Variants in RYR3 observed in about 807,000 individuals in gnomAD.
RYR3 encodes the protein ryanodine receptor 3, also known as brain ryanodine receptor-calcium release channel.
Under a neutral mutation model 584.3 loss-of-function variants are expected in RYR3, and 207 were observed. The observed-to-expected ratio is 0.35, with a 90% confidence interval of 0.32 to 0.40. The LOEUF (loss-of-function observed/expected upper bound fraction) is 0.40. Ranked by LOEUF, RYR3 falls within the 10% of genes least tolerant of loss-of-function variation. The probability of loss-of-function intolerance (pLI) is 1.00; values close to 1 mark genes in which losing one functional copy is unlikely to be tolerated. For synonymous variants in RYR3, 2,416 were observed against 2,248.5 expected (o/e 1.07, Z -2.11); for missense variants, 5,616 against 6,089.2 (o/e 0.92, Z 2.59).
chr15:33,725,954 A>G (rs1353317618), intron 45 of RYR3, among the ~76,000 whole-genome samples: 1 of 126,856 alleles, frequency 7.9e-6, no homozygotes, highest in Non-Finnish European at 1.6e-5. Context: ...TGGGTGACAG[A>G]GCAAGACTCC....
At chr15:33,771,774 T>C in intron 62 of RYR3, 146 bp from the exon 63 acceptor site, 1 of 638,206 alleles carries the variant, frequency 1.6e-6, no homozygotes, top group East Asian at 2.7e-5. Flanking sequence ...TCCTGGATGT[T>C]AACTGCTCTC....
intron 74 of RYR3, among the ~76,000 whole-genome samples, chr15:33,814,342 G>C (rs1293356803): frequency 6.6e-6 from 1 of 152,168 alleles, no homozygotes; most frequent in Admixed American, 6.5e-5. Flanking sequence ...TTGAATATCA[G>C]CCTCTGCTTC....
At chr15:33,479,089 C>T (rs2049710150) in intron 2 of RYR3, among the ~76,000 whole-genome samples, 1 of 100,188 alleles carries the variant, frequency 1.0e-5, no homozygotes, top group Non-Finnish European at 2.0e-5. Flanking sequence ...TTTTCATCTC[C>T]TGTTTGCAGA....
At chr15:33,758,846 G>A (rs2152863756) in intron 60 of RYR3, among the ~76,000 whole-genome samples, 1 of 152,310 alleles carries the variant, frequency 6.6e-6, no homozygotes, top group South Asian at 2.1e-4. Flanking sequence ...GCCTCCTGAT[G>A]GGGAGAAACC....
chr15:33,706,145 A>T (rs1039160372), intron 42 of RYR3, among the ~76,000 whole-genome samples: 31 of 152,206 alleles, frequency 2.0e-4, no homozygotes, highest in Non-Finnish European at 3.4e-4. Flanking sequence ...TTATAAAAAA[A>T]AAAATAAAAA....
intron 1 of RYR3, among the ~76,000 whole-genome samples, chr15:33,351,032 AAGAG>A (rs1363552482): frequency 2.0e-5 from 3 of 152,200 alleles, no homozygotes; most frequent in Non-Finnish European, 4.4e-5. Flanking sequence ...TAAAGAAAAA[AAGAG>A]AGAAGAATCA....
intron 24 of RYR3, 125 bp downstream of exon 24, chr15:33,633,233 C>G: frequency 2.4e-6 from 2 of 839,052 alleles, no homozygotes; most frequent in Non-Finnish European, 3.7e-6. Flanking sequence ...CCTCACACCT[C>G]AGTGTGTTCA....
intron 1 of RYR3, among the ~76,000 whole-genome samples, chr15:33,354,432 T>G (rs1973689724): frequency 6.6e-6 from 1 of 152,260 alleles, no homozygotes; most frequent in South Asian, 2.1e-4. Flanking sequence ...ATGTCACCTA[T>G]GAAGCCTTGA....
At chr15:33,718,568 GT>G (rs2067669202) in intron 43 of RYR3, among the ~76,000 whole-genome samples, 1 of 152,140 alleles carries the variant, frequency 6.6e-6, no homozygotes, top group South Asian at 2.1e-4. Flanking sequence ...ATGAAATGGA[GT>G]TACCTAAGTT....
intron 13 of RYR3, among the ~76,000 whole-genome samples, chr15:33,580,881 G>T (rs1217255648): frequency 6.6e-6 from 1 of 152,160 alleles, no homozygotes; most frequent in African/African-American, 2.4e-5. Context: ...CATTCTCTAT[G>T]ACTTAAAGGC....
In RYR3 at chr15:33,865,115, G is replaced by C. The variant is rs369302943; in HGVS notation, c.14518-16G>C. 2 of 1,598,850 alleles carry C rather than the reference G, an allele frequency of 1.3e-6. No individual in the cohort carries two copies. Among genetic ancestry groups the C allele is most frequent in the East Asian group, 4.5e-5 (2 of 44,772 alleles). ...TGTGGTTTAAAAATAAGCACCCGTT[G>C]TTCATATTATTTCAGGAATCTTATG... is the stretch of plus-strand genomic sequence containing the variant. On this transcript the variant is annotated splice_polypyrimidine_tract_variant and intron_variant, in intron 103 of 103. Coordinates refer to ENST00000634891, the MANE Select transcript of RYR3 (RefSeq NM_001036.6).
intron 1 of RYR3, among the ~76,000 whole-genome samples, chr15:33,395,494 A>G (rs1347912850): frequency 1.3e-5 from 2 of 152,332 alleles, no homozygotes; most frequent in African/African-American, 4.8e-5. Context: ...CTGAAATGTC[A>G]GCCCGGGCTC....
intron 1 of RYR3, among the ~76,000 whole-genome samples, chr15:33,467,996 C>T (rs930848939): frequency 6.6e-6 from 1 of 152,150 alleles, no homozygotes; most frequent in African/African-American, 2.4e-5. Flanking sequence ...ATCAGACAGA[C>T]ATGAATTCAT....
intron 43 of RYR3, among the ~76,000 whole-genome samples, chr15:33,718,045 A>G (rs1340558483): frequency 6.6e-6 from 1 of 152,224 alleles, no homozygotes; most frequent in Non-Finnish European, 1.5e-5. Context: ...CAAAGATGGC[A>G]TTTAGCAAAT....
intron 36 of RYR3, among the ~76,000 whole-genome samples, chr15:33,665,723 CA>C (rs2063459361): frequency 6.6e-6 from 1 of 152,218 alleles, no homozygotes; most frequent in African/African-American, 2.4e-5. Context: ...GTAAAGCCTT[CA>C]AGAGTAGTTC....
chr15:33,621,683 T>C (rs1222853298), intron 19 of RYR3, among the ~76,000 whole-genome samples: 1 of 152,174 alleles, frequency 6.6e-6, no homozygotes, highest in Admixed American at 6.6e-5. Flanking sequence ...GGAGGTTTAG[T>C]ATGATTTCTA....
chr15:33,822,448 T>TA (rs1279984821), intron 80 of RYR3, among the ~76,000 whole-genome samples: 4 of 152,246 alleles, frequency 2.6e-5, no homozygotes, highest in Non-Finnish European at 5.9e-5. Context: ...AATTTTTTAT[T>TA]AAAAACTGTC....
At chr15:33,805,757 T>A (rs12910876) in intron 69 of RYR3, among the ~76,000 whole-genome samples, 2,459 of 151,830 alleles carry the variant, frequency 0.016, 39 homozygotes, top group Non-Finnish European at 0.021. Context: ...GATTACAGGC[T>A]TGAGCCACCA....
intron 38 of RYR3, among the ~76,000 whole-genome samples, chr15:33,688,551 C>T (rs545345022): frequency 2.5e-4 from 34 of 135,900 alleles, no homozygotes; most frequent in African/African-American, 7.7e-4. Context: ...CCAGCCTGGG[C>T]GACAGAGCGA....
Sources: gnomAD v4.1 joint callset for allele counts (sites outside exome capture counted in the v4.1 genomes callset) on GRCh38, gnomAD v4.1.1 for gene constraint, MANE v1.5 for transcripts, NCBI Gene and HGNC (gene_info 2026-07-23, HGNC 2026-07-21) for gene names.